CRACR2B: variants seen among roughly 807,000 people sequenced by gnomAD.
The protein encoded by CRACR2B is calcium release activated channel regulator 2B, also known as EF-hand calcium-binding domain-containing protein 4A.
A neutral mutation model predicts 46.0 loss-of-function variants in CRACR2B; 50 were observed. The observed-to-expected ratio is 1.09, with a 90% CI of 0.87 to 1.38. The LOEUF is 1.38. Ranked by LOEUF, CRACR2B falls within the 40% of genes most tolerant of loss-of-function variation. CRACR2B has a pLI of 0.00. For missense variants in CRACR2B, 667 were observed against 535.0 expected (o/e 1.25, Z -2.43); for synonymous variants, 277 against 239.6 (o/e 1.16, Z -1.44).
chr11:827,031 G>A (rs1845947213), upstream of CRACR2B, among the ~76,000 whole-genome samples: 1 of 126,514 alleles, frequency 7.9e-6, no homozygotes, highest in South Asian at 2.5e-4. Flanking sequence ...CCCTGCTCCG[G>A]GGGGTCCCTG....
chr11:830,635 G>A lies in CRACR2B; in HGVS notation c.708G>A (p.Gly236=), dbSNP rs1355754261. 1 of 1,549,222 alleles carries A rather than the reference G, an allele frequency of 6.5e-7. No individual in the cohort carries two copies. Among genetic ancestry groups the A allele is most frequent in the Non-Finnish European group, 8.7e-7 (1 of 1,146,694 alleles). Residue 236 remains glycine, a synonymous_variant, in exon 6 of 9, where the codon GGG becomes GGA. Transcript: ENST00000525077. The part of the protein sequence containing the change: ...RRPPSQNFAR[G]ERRSRLELEL... ...GTGCGTCCCAGAACTTCGCCCGCGG[G>A]GAGCGGAGAAGCCGTCTGGAGCTGG...
chr11:827,489 G>T, upstream of CRACR2B: 1 of 969,374 alleles, frequency 1.0e-6, no homozygotes, highest in Non-Finnish European at 1.2e-6. Flanking sequence ...CCAGAGTTTC[G>T]GGGAGCACAG....
Position 828,593 on chromosome 11 carries a change from A to T in CRACR2B, c.-15A>T. 6.4e-7 allele frequency: 1 copy of T among 1,574,174 alleles called. No homozygotes were observed. Among genetic ancestry groups the T allele is most frequent in the South Asian group, 1.2e-5 (1 of 85,750 alleles). On this transcript the variant is annotated 5_prime_UTR_variant, in exon 1 of 9. Coordinates refer to ENST00000525077, the MANE Select transcript of CRACR2B (RefSeq NM_001286606.2). ...TTCACAGCACCTGAAGGCCAGGCTG[A>T]GGCCCCCTGCTCTCATGGCCAGCCC...
chr11:830,190 C>A, intron 4 of CRACR2B, 58 bp downstream of exon 4: 1 of 1,493,908 alleles, frequency 6.7e-7, no homozygotes, highest in Non-Finnish European at 8.9e-7. Context: ...GCAGCAGAGG[C>A]GGTGCCAGGG....
In CRACR2B at chr11:830,320, CG is replaced by C; in HGVS notation, c.678del (p.Arg227AlafsTer37). The C allele has an allele frequency of 2.0e-6, 3 of 1,534,630 alleles. No homozygotes were observed. The highest frequency in any genetic ancestry group is 2.6e-6 in the Non-Finnish European group (3 of 1,144,456). On this transcript the variant is annotated frameshift_variant, in exon 5 of 9. Coordinates refer to ENST00000525077, the MANE Select transcript of CRACR2B (RefSeq NM_001286606.2). LOFTEE classifies it high-confidence loss of function. ...GACGGAGCAGCTTCGGGAGCAGAGC[CG>C]GCGCCCGCCGAGTCAGGTGGGCCTC... ...EETEQLREQSRRPPSQNFARG... is the reference protein window; with the variant it reads ...EETEQLREQSXRPPSQNFARG...
At chr11:831,497 C>T (rs1394963738) in intron 8 of CRACR2B, 38 bp from the exon 9 acceptor site, 2 of 1,543,938 alleles carry the variant, frequency 1.3e-6, no homozygotes, top group South Asian at 1.2e-5. Flanking sequence ...CCTTGAGCTC[C>T]CTCAGACCCT....
chr11:831,845 C>T lies in CRACR2B; in HGVS notation c.*136C>T. On this transcript the variant is annotated 3_prime_UTR_variant, in exon 9 of 9. Coordinates refer to ENST00000525077, the MANE Select transcript of CRACR2B (RefSeq NM_001286606.2). ...CTCGCCTGACTGAAGACATGAAGGA[C>T]CTAGCCTAGGAGTGGTCAGGGTCCC... is the stretch of plus-strand genomic sequence containing the variant. 1 of 1,162,082 alleles carries T rather than the reference C, an allele frequency of 8.6e-7. No homozygotes were observed. The highest frequency in any genetic ancestry group is 1.2e-6 in the Non-Finnish European group (1 of 868,552). 72.0% of individuals were successfully genotyped at this position (1,162,082 alleles called of 1,614,324 possible).
In CRACR2B at chr11:830,132, G is replaced by T; in HGVS notation, c.605G>T (p.Arg202Met). Residue 202 changes from arginine to methionine, a missense_variant and splice_region_variant, in exon 4 of 9, where the codon AGG becomes ATG. Physicochemically the swap from Arg to Met is moderately conservative, Grantham distance 91. Transcript: ENST00000525077. ...ERDGLEQALR[R>M]RESEHEREVR... is the part of the protein sequence containing the mutation. ...GACGGCCTGGAGCAGGCGCTGCGGA[G>T]GTGAGGGCCGGGGTGGGGTATGGGG... The T allele has an allele frequency of 6.5e-7, 1 of 1,531,912 alleles. No individual in the cohort carries two copies. The highest frequency in any genetic ancestry group is 8.7e-7 in the Non-Finnish European group (1 of 1,144,236). The allele number at this position is 1,531,912 out of a possible 1,614,324, so 94.9% of individuals were successfully genotyped here.
chr11:831,542 A>G lies in CRACR2B; in HGVS notation c.1033A>G (p.Asn345Asp), dbSNP rs1469893543. 2.4e-5 allele frequency: 39 copies of G among 1,595,948 alleles called. No homozygotes were observed. The highest frequency in any genetic ancestry group is 3.2e-5 in the Non-Finnish European group (38 of 1,173,164). ...GGACTCCTCCTTCCCTAGGGAGCTGAATACACGGCTGCGGGATGACAGGGA... is the reference window on the plus strand; with the variant it reads ...GGACTCCTCCTTCCCTAGGGAGCTGGATACACGGCTGCGGGATGACAGGGA... ...LRQLELLREL[N>D]TRLRDDRDAC... Residue 345 changes from asparagine to aspartate, a missense_variant, in exon 9 of 9, where the codon AAT (asparagine) becomes GAT (aspartate). Coordinates refer to ENST00000525077, the MANE Select transcript of CRACR2B (RefSeq NM_001286606.2).
intron 2 of CRACR2B, 39 bp downstream of exon 2, chr11:829,002 T>TGGAGGCCTGATCA (rs755142897): frequency 5.6e-6 from 9 of 1,597,724 alleles, no homozygotes; most frequent in Non-Finnish European, 7.6e-6. Context: ...TGCCCAGAGC[T>TGGAGGCCTGATCA]GGAGGCCTGA....
chr11:827,594 C>T (rs542961436), upstream of CRACR2B: 12 of 973,992 alleles, frequency 1.2e-5, no homozygotes, highest in Middle Eastern at 5.2e-4. Flanking sequence ...CAGGTCTAGC[C>T]GGCAAGCCGG....
chr11:827,416 G>A, upstream of CRACR2B: 2 of 422,644 alleles, frequency 4.7e-6, no homozygotes, highest in Non-Finnish European at 6.3e-6. Context: ...TGAGCGTCTC[G>A]GTCGGGAACT....
At chr11:829,335 G>A (rs1342847950) in intron 2 of CRACR2B, 25 bp from the exon 3 acceptor site, 30 of 1,582,852 alleles carry the variant, frequency 1.9e-5, no homozygotes, top group Admixed American at 3.8e-5. Flanking sequence ...CACAGCCCTG[G>A]TAATCGCTCG....
In CRACR2B at chr11:829,378, C is replaced by G; in HGVS notation, c.296C>G (p.Ala99Gly). The change falls in exon 3 of 9, where the codon GCG (alanine) becomes GGG (glycine). Residue 99 changes from alanine (A) to glycine (G), a missense_variant. By Grantham distance (60) the Ala-to-Gly change is moderately conservative. Transcript: ENST00000525077. ...CLGLGMFVGV[A>G]SAQGANPCRT... ...CCCGCAGGGATGTTTGTGGGGGTGG[C>G]GTCAGCCCAGGGAGCGAACCCCTGC... 3 of 1,607,604 alleles carry G rather than the reference C, an allele frequency of 1.9e-6. No individual in the cohort carries two copies. The highest frequency in any genetic ancestry group is 2.5e-6 in the Non-Finnish European group (3 of 1,178,298).
rs1266685244 is a variant in CRACR2B at position 828,966 on chromosome 11, G to C, written c.277+3G>C. On this transcript the variant is annotated splice_donor_region_variant and intron_variant, in intron 2 of 8. Transcript: ENST00000525077. ...CAGGGAGTTCTGCCTGGGCCTGGGT[G>C]AGCCTGTGGCCTGCCTATCCCCCAC... 3 of 1,602,532 alleles carry C rather than the reference G, an allele frequency of 1.9e-6. No homozygotes were observed. Among genetic ancestry groups the C allele is most frequent in the Non-Finnish European group, 2.5e-6 (3 of 1,179,864 alleles).
At position 828,919 on chromosome 11, in the gene CRACR2B, C is replaced by T. The variant is rs768289892; in HGVS notation, c.233C>T (p.Ala78Val). 1 of 1,607,136 alleles carries T rather than the reference C, an allele frequency of 6.2e-7. No individual in the cohort carries two copies. Residue 78 changes from alanine to valine, a missense_variant, in exon 2 of 9, where the codon GCT becomes GTT. Physicochemically the swap from Ala to Val is moderately conservative, Grantham distance 64. Transcript: ENST00000525077. ...GCTGTGTTTGAAAGTCTGGACCGGG[C>T]TCACACTGGCTTCCTCACCGCCAGG... ...LEAVFESLDR[A>V]HTGFLTAREF...
Position 830,009 on chromosome 11 carries a change from G to T in CRACR2B, c.482G>T (p.Trp161Leu), listed in dbSNP as rs756196558. Residue 161 changes from tryptophan (W) to leucine (L), a missense_variant, in exon 4 of 9, where the codon TGG (tryptophan) becomes TTG (leucine). Trp to Leu is a moderately conservative substitution (Grantham distance 61, BLOSUM62 -2). Transcript: ENST00000525077. ...LGKQRAVRTL[W>L]ARLQRERPEL... is the part of the protein sequence containing the mutation. ...AGGCAGCGGGCTGTGAGGACGCTCT[G>T]GGCCAGGCTGCAGCGCGAGCGCCCC... 55 of 1,572,048 alleles carry T rather than the reference G, an allele frequency of 3.5e-5. No homozygotes were observed. Among genetic ancestry groups the T allele is most frequent in the Non-Finnish European group, 3.9e-5 (46 of 1,165,354 alleles).
In CRACR2B at chr11:829,489, A is replaced by T; in HGVS notation, c.407A>T (p.Glu136Val). The change falls in exon 3 of 9, where the codon GAG (glutamate) becomes GTG (valine). Residue 136 changes from glutamate to valine, a missense_variant. Physicochemically the swap from Glu to Val is moderately radical, Grantham distance 121. Coordinates refer to ENST00000525077, the MANE Select transcript of CRACR2B (RefSeq NM_001286606.2). The part of the protein sequence containing the change: ...GSLDEEEEEE[E>V]RFHTVLEQLG... Reference sequence around the variant, plus strand: ...CTGGATGAGGAGGAGGAAGAGGAGGAGCGATTCCACACTGTGCTGGAGCAG... The same window carrying T: ...CTGGATGAGGAGGAGGAAGAGGAGGTGCGATTCCACACTGTGCTGGAGCAG... 6.2e-7 allele frequency: 1 copy of T among 1,607,880 alleles called. No individual in the cohort carries two copies. Among genetic ancestry groups the T allele is most frequent in the Non-Finnish European group, 8.5e-7 (1 of 1,178,222 alleles).
rs773580429 is a variant in CRACR2B at position 831,852 on chromosome 11, T to C, written c.*143T>C. 88 of 1,088,134 alleles carry C rather than the reference T, an allele frequency of 8.1e-5. No homozygotes were observed. The highest frequency in any genetic ancestry group is 1.1e-4 in the Non-Finnish European group (86 of 806,528). 67.4% of individuals were successfully genotyped at this position (1,088,134 alleles called of 1,614,324 possible). A position where few individuals can be genotyped will look rare whatever the true frequency, so the allele number is the denominator to read the frequency against. ...GACTGAAGACATGAAGGACCTAGCC[T>C]AGGAGTGGTCAGGGTCCCGGGAGTG... On this transcript the variant is annotated 3_prime_UTR_variant, in exon 9 of 9. Transcript: ENST00000525077.
Sources: gnomAD v4.1 joint callset for allele counts (sites outside exome capture counted in the v4.1 genomes callset) on GRCh38, gnomAD v4.1.1 for gene constraint, MANE v1.5 for transcripts, NCBI Gene and HGNC (gene_info 2026-07-23, HGNC 2026-07-21) for gene names.